TMEM150C: variants seen among roughly 807,000 people sequenced by gnomAD.
TMEM150C encodes the protein transmembrane protein 150C.
In TMEM150C, 10 loss-of-function variants were observed where a neutral mutation model predicts 29.9. The observed-to-expected ratio is 0.33, with a 90% CI of 0.21 to 0.57. The LOEUF (loss-of-function observed/expected upper bound fraction) is 0.57. TMEM150C is among the 20% of genes least tolerant of loss of function. The probability of loss-of-function intolerance (pLI) is 0.88; values close to 1 mark genes in which losing one functional copy is unlikely to be tolerated. For missense variants in TMEM150C, 251 were observed against 303.6 expected (o/e 0.83, Z 1.29); for synonymous variants, 101 against 112.5 (o/e 0.90, Z 0.64).
chr4:82,546,676 A>G (rs1037323451), intron 1 of TMEM150C, among the ~76,000 whole-genome samples: 13 of 152,002 alleles, frequency 8.6e-5, no homozygotes, highest in Non-Finnish European at 8.8e-5. Flanking sequence ...AAAATACAAA[A>G]AATTAGCCAG....
At chr4:82,488,676 T>G (rs962852925) in intron 7 of TMEM150C, among the ~76,000 whole-genome samples, 4 of 152,166 alleles carry the variant, frequency 2.6e-5, no homozygotes, top group African/African-American at 9.7e-5. Context: ...TGCAGTGGCA[T>G]GATCACAACT....
At chr4:82,548,577 G>C (rs1414985930) in intron 1 of TMEM150C, among the ~76,000 whole-genome samples, 1 of 152,154 alleles carries the variant, frequency 6.6e-6, no homozygotes, top group Non-Finnish European at 1.5e-5. Context: ...CCAAATTGCT[G>C]AGCTTGCTGG....
rs369597268 is a variant in TMEM150C at position 82,495,208 on chromosome 4, C to T, written c.363+860G>A. 21 of 317,586 alleles carry T rather than the reference C, an allele frequency of 6.6e-5. No homozygotes were observed. In the Admixed American group the frequency reaches 7.0e-4, roughly 11 times the overall value. 19.7% of individuals were successfully genotyped at this position (317,586 alleles called of 1,614,324 possible). ...CTGTAATCCCAGCAACTTGGGAGGC[C>T]GAGGCGGGCAGATCGCGAGGTCAGG... On this transcript the variant is annotated intron_variant, in intron 6 of 7. Transcript: ENST00000449862.
At chr4:82,516,381 G>A (rs1169722792) in intron 1 of TMEM150C, among the ~76,000 whole-genome samples, 2 of 152,186 alleles carry the variant, frequency 1.3e-5, no homozygotes, top group African/African-American at 4.8e-5. Context: ...CAGGAACCAT[G>A]AGCACATAGC....
Position 82,507,727 on chromosome 4 carries a change from C to CTTTTTTTTTTTTTTTT in TMEM150C, c.-10-3076_-10-3061dup, listed in dbSNP as rs869112887. ...TTAAATTAACTCTCTCTCTCTCTCT[C>CTTTTTTTTTTTTTTTT]TTTTTTTTTTTTTTTTTTTTTTTTT... On this transcript the variant is annotated intron_variant, in intron 1 of 7. Coordinates refer to ENST00000449862, the MANE Select transcript of TMEM150C (RefSeq NM_001080506.3). Among the ~76,000 whole-genome samples the CTTTTTTTTTTTTTTTT allele has an allele frequency of 1.4e-3, 29 of 20,590 alleles. 4 individuals carry two copies. Among genetic ancestry groups the CTTTTTTTTTTTTTTTT allele is most frequent in the East Asian group, 2.2e-3 (1 of 458 alleles). The allele number at this position is 20,590 out of a possible 152,430, so 13.5% of individuals were successfully genotyped here.
intron 1 of TMEM150C, among the ~76,000 whole-genome samples, chr4:82,527,150 C>A (rs1724682491): frequency 6.6e-6 from 1 of 150,420 alleles, no homozygotes; most frequent in Admixed American, 6.8e-5. Flanking sequence ...GTCACCTTGG[C>A]TCACCTGATC....
At chr4:82,534,619 A>C (rs1415581917) in intron 1 of TMEM150C, among the ~76,000 whole-genome samples, 1 of 152,216 alleles carries the variant, frequency 6.6e-6, no homozygotes, top group Non-Finnish European at 1.5e-5. Flanking sequence ...ACTGCCTCAA[A>C]CATCACCTCA....
chr4:82,489,574 C>T (rs1228019492), intron 7 of TMEM150C, among the ~76,000 whole-genome samples: 1 of 152,042 alleles, frequency 6.6e-6, no homozygotes, highest in Non-Finnish European at 1.5e-5. Flanking sequence ...ACACATGCAG[C>T]CTTAATCTAG....
intron 1 of TMEM150C, among the ~76,000 whole-genome samples, chr4:82,531,770 AAAAAAAAAG>A (rs1724855705): frequency 6.8e-6 from 1 of 146,184 alleles, no homozygotes; most frequent in Non-Finnish European, 1.5e-5. Context: ...AAAAAAAAAA[AAAAAAAAAG>A]GTCATGGAAA....
rs377209343 is a variant in TMEM150C at position 82,502,897 on chromosome 4, T to A, written c.165A>T (p.Ile55=). The A allele has an allele frequency of 1.3e-6, 2 of 1,598,172 alleles. No individual in the cohort carries two copies. The highest frequency in any genetic ancestry group is 2.3e-5 in the South Asian group (2 of 88,466). ...RKPGVKHAPY[I]SIAGDDPPAS... ...ACAGAAGAGAATTGCTGGGTTACCT[T>A]ATATATGGTGCATGCTTCACACCAG... Residue 55 remains isoleucine, a splice_region_variant and synonymous_variant, in exon 4 of 8, where the codon ATA becomes ATT. Coordinates refer to ENST00000449862, the MANE Select transcript of TMEM150C (RefSeq NM_001080506.3).
At position 82,489,062 on chromosome 4, in the gene TMEM150C, AT is replaced by A. The variant is rs576894576; in HGVS notation, c.541+998del. 6.2e-3 allele frequency among the ~76,000 whole-genome samples: 784 copies of A among 126,068 alleles called. 11 individuals are homozygous for A. In the East Asian group the frequency reaches 0.08, roughly 13 times the overall value. The allele number at this position is 126,068 out of a possible 152,430, so 82.7% of individuals were successfully genotyped here. A position where few individuals can be genotyped will look rare whatever the true frequency, so the allele number is the denominator to read the frequency against. On this transcript the variant is annotated intron_variant, in intron 7 of 7. Coordinates refer to ENST00000449862, the MANE Select transcript of TMEM150C (RefSeq NM_001080506.3). ...GCCACAACACCCAGCGGATTTTTAG[AT>A]TTTTTTTTTTTTTTTTTTTGTAGAG...
chr4:82,555,430 G>A (rs1725706877), intron 1 of TMEM150C, among the ~76,000 whole-genome samples: 1 of 152,178 alleles, frequency 6.6e-6, no homozygotes, highest in African/African-American at 2.4e-5. Context: ...CAGTCTCTGG[G>A]ACAAGCATAT....
chr4:82,543,830 C>G (rs1009968573), intron 1 of TMEM150C, among the ~76,000 whole-genome samples: 1 of 152,138 alleles, frequency 6.6e-6, no homozygotes, highest in Non-Finnish European at 1.5e-5. Flanking sequence ...CCTTGTGGGC[C>G]GAGAAGCTGA....
intron 1 of TMEM150C, among the ~76,000 whole-genome samples, chr4:82,544,256 C>T (rs573490615): frequency 2.0e-5 from 3 of 152,254 alleles, no homozygotes; most frequent in East Asian, 1.9e-4. Flanking sequence ...TAGTCACTAT[C>T]GCATGACTTG....
chr4:82,489,912 G>C, intron 7 of TMEM150C, 149 bp downstream of exon 7: 1 of 697,394 alleles, frequency 1.4e-6, no homozygotes, highest in East Asian at 2.8e-5. Context: ...AAATTGGTCT[G>C]AGGGTTTTTG....
At position 82,550,967 on chromosome 4, in the gene TMEM150C, G is replaced by A. The variant is rs148783481; in HGVS notation, c.-11+10939C>T. 4.7e-3 allele frequency among the ~76,000 whole-genome samples: 716 copies of A among 152,296 alleles called. 11 individuals carry two copies. The highest frequency in any genetic ancestry group is 0.016 in the African/African-American group (678 of 41,560). On this transcript the variant is annotated intron_variant, in intron 1 of 7. Coordinates refer to ENST00000449862, the MANE Select transcript of TMEM150C (RefSeq NM_001080506.3). ...CTTGAGAGTGAGTAGGTATGGTTTA[G>A]TGGAGGTGAAGATGCTAAGAAGGTC...
chr4:82,518,978 C>T (rs557780266), intron 1 of TMEM150C, among the ~76,000 whole-genome samples: 8 of 152,174 alleles, frequency 5.3e-5, no homozygotes, highest in South Asian at 2.1e-4. Context: ...TTGTTCCTCG[C>T]CTGGGGTGAA....
intron 1 of TMEM150C, among the ~76,000 whole-genome samples, chr4:82,554,212 A>T (rs1725667439): frequency 6.6e-6 from 1 of 152,214 alleles, no homozygotes; most frequent in Non-Finnish European, 1.5e-5. Context: ...TATTTTAGTT[A>T]TCAGTGTTTC....
chr4:82,538,511 T>C (rs545335323), intron 1 of TMEM150C, among the ~76,000 whole-genome samples: 4 of 151,448 alleles, frequency 2.6e-5, no homozygotes, highest in African/African-American at 9.8e-5. Context: ...TGCTTATATA[T>C]ACAGAAAATT....
Sources: allele counts gnomAD v4.1 joint callset (sites outside exome capture counted in the v4.1 genomes callset), GRCh38; gene constraint gnomAD v4.1.1; transcripts MANE v1.5; gene names NCBI Gene and HGNC (gene_info 2026-07-23, HGNC 2026-07-21).